FBXO16: variants seen among roughly 807,000 people sequenced by gnomAD.
FBXO16 encodes F-box protein 16, also known as F-box only protein 16.
Under a neutral mutation model 41.0 loss-of-function variants are expected in FBXO16, and 31 were observed. That is an observed-to-expected ratio of 0.76 (90% CI 0.57 to 1.02). The LOEUF (loss-of-function observed/expected upper bound fraction) is 1.02, where lower values mean the gene tolerates loss of function less well. FBXO16 is among the 50% of genes least tolerant of loss of function. The pLI, the probability that FBXO16 is intolerant of heterozygous loss-of-function variation, is 0.00. For missense variants in FBXO16, 361 were observed against 346.2 expected (o/e 1.04, Z -0.34); for synonymous variants, 133 against 117.8 (o/e 1.13, Z -0.84).
At chr8:28,434,177 T>C (rs975254514) in intron 7 of FBXO16, among the ~76,000 whole-genome samples, 1 of 152,154 alleles carries the variant, frequency 6.6e-6, no homozygotes, top group African/African-American at 2.4e-5. Context: ...GCCAGGCTGG[T>C]CTTGAACTCC....
At chr8:28,467,598 C>G (rs1268626223) in intron 3 of FBXO16, among the ~76,000 whole-genome samples, 2 of 152,024 alleles carry the variant, frequency 1.3e-5, no homozygotes, top group Non-Finnish European at 2.9e-5. Context: ...AAAAGATGTG[C>G]GCATAAAATT....
intron 7 of FBXO16, among the ~76,000 whole-genome samples, chr8:28,435,651 A>C (rs1032098896): frequency 6.6e-6 from 1 of 152,154 alleles, no homozygotes; most frequent in Admixed American, 6.5e-5. Context: ...GAGTATACAG[A>C]AAAGGTTAAA....
chr8:28,485,819 T>C (rs901328783), intron 1 of FBXO16, among the ~76,000 whole-genome samples: 2 of 152,202 alleles, frequency 1.3e-5, no homozygotes, highest in South Asian at 2.1e-4. Context: ...AGGCAAGTTA[T>C]AGATACAGGC....
intron 2 of FBXO16, among the ~76,000 whole-genome samples, chr8:28,477,093 T>G (rs746265798): frequency 2.8e-5 from 4 of 141,982 alleles, no homozygotes; most frequent in Non-Finnish European, 4.5e-5. Context: ...TATATGCCTA[T>G]CCTGATGACG....
At chr8:28,480,063 G>T (rs1296671989) in intron 2 of FBXO16, among the ~76,000 whole-genome samples, 1 of 151,910 alleles carries the variant, frequency 6.6e-6, no homozygotes, top group African/African-American at 2.4e-5. Context: ...AGATTTGCTT[G>T]GTGTTCCTGG....
intron 3 of FBXO16, among the ~76,000 whole-genome samples, chr8:28,464,564 G>A (rs906989654): frequency 6.6e-5 from 10 of 152,176 alleles, no homozygotes; most frequent in African/African-American, 2.2e-4. Context: ...TTCTTCCCTG[G>A]CCCATTGGGG....
chr8:28,489,379 T>C (rs952993457), intron 1 of FBXO16, among the ~76,000 whole-genome samples: 6 of 151,416 alleles, frequency 4.0e-5, no homozygotes, highest in African/African-American at 1.5e-4. Flanking sequence ...ACCACCACAA[T>C]TTGTAGAAAT....
Position 28,452,263 on chromosome 8 carries a change from T to G in FBXO16, c.721A>C (p.Met241Leu). 6.2e-7 allele frequency: 1 copy of G among 1,614,184 alleles called. No individual in the cohort carries two copies. The highest frequency in any genetic ancestry group is 8.5e-7 in the Non-Finnish European group (1 of 1,180,024). ...RFNYLDNRDP[M>L]ETVQQGRRKR... is the part of the protein sequence containing the mutation. ...TCTTACCCTTGCTGGACAGTCTCCA[T>G]GGGGTCACGGTTGTCTAGGTAATTA... Residue 241 changes from methionine to leucine, a missense_variant, in exon 6 of 9, where the codon ATG becomes CTG. Physicochemically the swap from Met to Leu is conservative, Grantham distance 15 (BLOSUM62 2). Coordinates refer to ENST00000380254, the MANE Select transcript of FBXO16 (RefSeq NM_172366.4).
Position 28,463,622 on chromosome 8 carries a change from C to T in FBXO16, c.332G>A (p.Arg111His), listed in dbSNP as rs368040578. The change falls in exon 4 of 9, where the codon CGT becomes CAT. Residue 111 changes from arginine (R) to histidine (H), a missense_variant. Physicochemically the swap from Arg to His is conservative, Grantham distance 29 (BLOSUM62 0). Transcript: ENST00000380254. ...CTTCCTTGCCTTTACCTGTGCACAA[C>T]GACAAAGGCTCCGAGGGTCCAGGAA... ...FSFLDPRSLC[R>H]CAQVCWHWKN... The T allele has an allele frequency of 4.8e-5, 77 of 1,613,774 alleles. No individual in the cohort carries two copies. The highest frequency in any genetic ancestry group is 2.9e-4 in the African/African-American group (22 of 74,888).
intron 4 of FBXO16, among the ~76,000 whole-genome samples, chr8:28,460,882 G>A (rs370030719): frequency 2.6e-5 from 4 of 151,828 alleles, no homozygotes; most frequent in South Asian, 2.1e-4. Context: ...CTATGGGCAC[G>A]TGCCACCACA....
chr8:28,433,059 C>CA (rs10551698), intron 7 of FBXO16, among the ~76,000 whole-genome samples: 4,612 of 117,658 alleles, frequency 0.039, 109 homozygotes, highest in African/African-American at 0.06. Context: ...AGACTTCGTC[C>CA]AAAAAAAAAA....
Position 28,431,962 on chromosome 8 carries a change from G to A in FBXO16, c.844-2559C>T, listed in dbSNP as rs571359088. On this transcript the variant is annotated intron_variant, in intron 7 of 8. Coordinates refer to ENST00000380254, the MANE Select transcript of FBXO16 (RefSeq NM_172366.4). ...TTACCAGGGTTGTGTTTTTTTTTCT[G>A]TTTTGTTTTTGGTTTTGTCTACTTC... Among the ~76,000 whole-genome samples, 9 of 151,434 alleles carry A rather than the reference G, an allele frequency of 5.9e-5. No individual in the cohort carries two copies. The East Asian group carries it at 1.7e-3, about 29-fold the overall frequency.
intron 3 of FBXO16, among the ~76,000 whole-genome samples, chr8:28,464,704 A>G (rs1449745167): frequency 6.6e-6 from 1 of 152,008 alleles, no homozygotes; most frequent in African/African-American, 2.4e-5. Flanking sequence ...CCTAGATTGG[A>G]GTGCAGTGGT....
In FBXO16 at chr8:28,450,479, G is replaced by T. The variant is rs115192774; in HGVS notation, c.740+1765C>A. ...CTTCATCAAAATTGAAAACTTTTGT[G>T]CTCTAAAAGATGCTATCAAGAGAGT... On this transcript the variant is annotated intron_variant, in intron 6 of 8. Transcript: ENST00000380254. Among the ~76,000 whole-genome samples, 1,120 of 152,270 alleles carry T rather than the reference G, an allele frequency of 7.4e-3. 8 individuals carry two copies. Among genetic ancestry groups the T allele is most frequent in the African/African-American group, 0.026 (1,064 of 41,568 alleles).
chr8:28,443,802 C>T (rs1413104972), intron 7 of FBXO16, among the ~76,000 whole-genome samples: 3 of 152,102 alleles, frequency 2.0e-5, no homozygotes, highest in Non-Finnish European at 4.4e-5. Flanking sequence ...ACCAAGATGG[C>T]GACAGGAATG....
intron 7 of FBXO16, among the ~76,000 whole-genome samples, chr8:28,429,756 G>C (rs549480607): frequency 3.7e-4 from 56 of 152,194 alleles, no homozygotes; most frequent in African/African-American, 1.3e-3. Context: ...AATGATATCC[G>C]CCGATGACAG....
In FBXO16 at chr8:28,463,757, G is replaced by A. The variant is rs144138010; in HGVS notation, c.197C>T (p.Ser66Leu). ...RILTGLLERC[S>L]LSQQKFCCRK... ...ACAGCAGAACTTTTGCTGGGACAGC[G>A]AGCAGCGCTCCAACAGGCCTGTGAG... Residue 66 changes from serine to leucine, a missense_variant, in exon 4 of 9, where the codon TCG (serine) becomes TTG (leucine). By Grantham distance (145) the Ser-to-Leu change is moderately radical. Coordinates refer to ENST00000380254, the MANE Select transcript of FBXO16 (RefSeq NM_172366.4). The A allele has an allele frequency of 8.1e-6, 13 of 1,614,002 alleles. No individual in the cohort carries two copies. In the East Asian group the frequency reaches 8.9e-5, roughly 11 times the overall value.
At chr8:28,474,316 C>CAAAAAAAAAAA in intron 2 of FBXO16, among the ~76,000 whole-genome samples, 24 of 56,656 alleles carry the variant, frequency 4.2e-4, no homozygotes, top group South Asian at 7.0e-4. Flanking sequence ...CAGACCCTGT[C>CAAAAAAAAAAA]AAAAAAAAAA....
At chr8:28,429,792 C>T (rs887558804) in intron 7 of FBXO16, among the ~76,000 whole-genome samples, 2 of 152,192 alleles carry the variant, frequency 1.3e-5, no homozygotes, top group Non-Finnish European at 1.5e-5. Context: ...CTCCAGCTAA[C>T]GTGCTCCCTC....
Sources: gnomAD v4.1 joint callset for allele counts (sites outside exome capture counted in the v4.1 genomes callset) on GRCh38, gnomAD v4.1.1 for gene constraint, MANE v1.5 for transcripts, NCBI Gene and HGNC (gene_info 2026-07-23, HGNC 2026-07-21) for gene names.